The following NBDY variants were observed in gnomAD, a reference collection of about 807,000 sequenced individuals.
NBDY encodes the protein P-body dissociating protein.
intron 2 of NBDY, among the ~76,000 whole-genome samples, chrX:56,744,287 A>C (rs1385351846): frequency 8.9e-6 from 1 of 111,756 alleles, no homozygotes; most frequent in East Asian, 2.8e-4. Flanking sequence ...GCTGAGGAAA[A>C]GAATGTATAT....
chrX:56,751,521 T>C (rs765869928), intron 2 of NBDY, among the ~76,000 whole-genome samples: 4 of 112,162 alleles, frequency 3.6e-5, no homozygotes, highest in South Asian at 3.7e-4. Flanking sequence ...TTGCTTTTTA[T>C]GGTGGTATAA....
chrX:56,739,242 A>G lies in NBDY; in HGVS notation c.*166+7043A>G, dbSNP rs908260432. ...TATATATGTGTGTTTGTGTGTGTAT[A>G]TATATATATATATATATATATGTAT... On this transcript the variant is annotated intron_variant, in intron 2 of 2. Transcript: ENST00000374922. Among the ~76,000 whole-genome samples the G allele has an allele frequency of 2.6e-3, 204 of 77,886 alleles. 1 individual carries two copies. Among genetic ancestry groups the G allele is most frequent in the Non-Finnish European group, 4.2e-3 (181 of 42,953 alleles). 67.6% of individuals were successfully genotyped at this position (77,886 alleles called of 115,157 possible).
chrX:56,764,913 G>C (rs2069658111), intron 2 of NBDY, among the ~76,000 whole-genome samples: 1 of 111,539 alleles, frequency 9.0e-6, no homozygotes, highest in Non-Finnish European at 1.9e-5. Context: ...CTTTCTCCTG[G>C]CTGGTGGCTC....
chrX:56,750,140 C>T (rs958227061), intron 2 of NBDY, among the ~76,000 whole-genome samples: 9 of 110,940 alleles, frequency 8.1e-5, no homozygotes, highest in Non-Finnish European at 1.1e-4. Flanking sequence ...GTGAAAATGC[C>T]GATTTTTAAA....
At chrX:56,785,054 A>G (rs1223243369) in intron 2 of NBDY, among the ~76,000 whole-genome samples, 1 of 111,273 alleles carries the variant, frequency 9.0e-6, no homozygotes, top group East Asian at 2.9e-4. Context: ...AATTCATGCC[A>G]CGGGTAATGA....
intron 2 of NBDY, among the ~76,000 whole-genome samples, chrX:56,741,025 C>T (rs1447787370): frequency 9.0e-6 from 1 of 111,020 alleles, no homozygotes; most frequent in Non-Finnish European, 1.9e-5. Flanking sequence ...CATCTTTCTA[C>T]TCTCCATCTC....
At position 56,783,714 on chromosome X, in the gene NBDY, G is replaced by A. The variant is rs1053570511; in HGVS notation, c.*167-33606G>A. Among the ~76,000 whole-genome samples the A allele has an allele frequency of 4.4e-5, 5 of 112,868 alleles. 1 individual carries two copies. The Admixed American group carries it at 4.6e-4, about 10-fold the overall frequency. ...AAGTGTCCCTGCAGCCTGTTGTCATGTTCAGAAACACCTTCCGCTGGATGG... is the reference window on the plus strand; with the variant it reads ...AAGTGTCCCTGCAGCCTGTTGTCATATTCAGAAACACCTTCCGCTGGATGG... On this transcript the variant is annotated intron_variant, in intron 2 of 2. Transcript: ENST00000374922.
chrX:56,811,146 C>T (rs1274002644), intron 2 of NBDY: 1 of 112,155 alleles, frequency 8.9e-6, no homozygotes, highest in East Asian at 2.8e-4. Context: ...AGAGAGACAC[C>T]TGCCAGATGC....
chrX:56,739,456 A>G (rs2069521133), intron 2 of NBDY, among the ~76,000 whole-genome samples: 2 of 106,697 alleles, frequency 1.9e-5, no homozygotes, highest in South Asian at 4.2e-4. Flanking sequence ...TTTGGGAGTT[A>G]TAAGCCAGGA....
chrX:56,809,046 A>C (rs774888182), intron 2 of NBDY, among the ~76,000 whole-genome samples: 14 of 112,518 alleles, frequency 1.2e-4, no homozygotes, highest in Non-Finnish European at 2.4e-4. Context: ...CAGGCTGTTC[A>C]GTTTTCATGT....
chrX:56,729,781 T>G (rs2069447934), intron 1 of NBDY, among the ~76,000 whole-genome samples, 192 bp downstream of exon 1: 1 of 112,274 alleles, frequency 8.9e-6, no homozygotes, highest in African/African-American at 3.2e-5. Context: ...TAAATAATTA[T>G]TTGTAATATT....
intron 2 of NBDY, among the ~76,000 whole-genome samples, chrX:56,753,831 G>C (rs757810183): frequency 1.8e-5 from 2 of 111,229 alleles, no homozygotes; most frequent in African/African-American, 6.5e-5. Context: ...AGGAGGTCCT[G>C]TATTAGTGAC....
intron 1 of NBDY, among the ~76,000 whole-genome samples, chrX:56,730,513 CAAAAAAAA>C (rs1157131797): frequency 3.9e-3 from 44 of 11,205 alleles, no homozygotes; most frequent in Admixed American, 0.015. Flanking sequence ...AACTACGTCT[CAAAAAAAA>C]AAAAAAAAAA....
intron 2 of NBDY, among the ~76,000 whole-genome samples, chrX:56,790,893 A>T (rs1203173837): frequency 8.9e-6 from 1 of 112,212 alleles, no homozygotes; most frequent in East Asian, 2.8e-4. Flanking sequence ...TTGCTGGCAG[A>T]TCGTGCGGAT....
chrX:56,758,320 A>G (rs372240944), intron 2 of NBDY, among the ~76,000 whole-genome samples: 41,687 of 102,501 alleles, frequency 0.41, 8,190 homozygotes, highest in East Asian at 0.65. Flanking sequence ...TGTCTCGAAA[A>G]AAAAAAAAAA....
chrX:56,782,455 G>A (rs181731901), intron 2 of NBDY, among the ~76,000 whole-genome samples: 1 of 111,469 alleles, frequency 9.0e-6, no homozygotes, highest in Non-Finnish European at 1.9e-5. Flanking sequence ...TTGCTCCTTG[G>A]TGATTCAGCA....
At chrX:56,765,586 C>T (rs1443066504) in intron 2 of NBDY, among the ~76,000 whole-genome samples, 2 of 111,617 alleles carry the variant, frequency 1.8e-5, no homozygotes, top group Non-Finnish European at 3.8e-5. Context: ...CCCTCCTAAA[C>T]TAGATCCTTC....
intron 2 of NBDY, among the ~76,000 whole-genome samples, chrX:56,782,301 T>C (rs1039938865): frequency 3.6e-5 from 4 of 110,681 alleles, no homozygotes; most frequent in African/African-American, 1.3e-4. Context: ...TCCTCCATCT[T>C]CTCCTCCTCC....
At chrX:56,752,872 A>G (rs2146719311) in intron 2 of NBDY, among the ~76,000 whole-genome samples, 1 of 111,622 alleles carries the variant, frequency 9.0e-6, no homozygotes, top group East Asian at 2.8e-4. Flanking sequence ...CGGCCTCCCA[A>G]AGTGCTAGGA....
Sources: gnomAD v4.1 joint callset for allele counts (sites outside exome capture counted in the v4.1 genomes callset) on GRCh38, gnomAD v4.1.1 for gene constraint, MANE v1.5 for transcripts, NCBI Gene and HGNC (gene_info 2026-07-23, HGNC 2026-07-21) for gene names.